Variants in DCTN2 observed in about 807,000 individuals in gnomAD.
DCTN2 encodes dynactin subunit 2.
DCTN2 carries 18 observed loss-of-function variants against 55.4 expected under a neutral mutation model. The observed-to-expected ratio is 0.32, with a 90% CI of 0.22 to 0.48. The LOEUF (loss-of-function observed/expected upper bound fraction) is 0.48. Among genes scored for constraint, DCTN2 ranks in the 20% least tolerant of loss-of-function variants. The pLI is 0.99. For missense variants in DCTN2, 390 were observed against 491.0 expected, an observed-to-expected ratio of 0.79 and a Z score of 1.94; for synonymous variants, 168 against 185.2, an observed-to-expected ratio of 0.91 and a Z score of 0.76.
Position 57,530,590 on chromosome 12 carries a change from G to A in DCTN2, c.*99C>T. The A allele has an allele frequency of 9.5e-7, 1 of 1,053,476 alleles. No individual in the cohort carries two copies. Among genetic ancestry groups the A allele is most frequent in the South Asian group, 1.5e-5 (1 of 67,836 alleles). The allele number at this position is 1,053,476 out of a possible 1,614,324, so 65.3% of individuals were successfully genotyped here. A position where few individuals can be genotyped will look rare whatever the true frequency, so the allele number is the denominator to read the frequency against. On this transcript the variant is annotated 3_prime_UTR_variant, in exon 14 of 14. Transcript: ENST00000548249. ...CCTTGCCCCCAGTGTCAAATGGGAT[G>A]GGGATGCTAGAGTTATAGTAAAGGG...
intron 11 of DCTN2, 89 bp from the exon 12 acceptor site, chr12:57,532,404 G>A: frequency 5.1e-6 from 7 of 1,367,450 alleles, no homozygotes; most frequent in Non-Finnish European, 7.2e-6. Context: ...TGGGGGAAAG[G>A]ATCAAGTGGG....
rs11386483 is a variant in DCTN2 at position 57,543,348 on chromosome 12, C to CAAA, written c.105+2677_105+2679dup. On this transcript the variant is annotated intron_variant, in intron 2 of 13. Transcript: ENST00000548249. ...TGGGCGACAGAGTGAGACTCCGTCTCAAAAAAAAAAGAAAAAAAAAGAAGG... is the reference window on the plus strand; with the variant it reads ...TGGGCGACAGAGTGAGACTCCGTCTCAAAAAAAAAAAAAGAAAAAAAAAGAAGG... Among the ~76,000 whole-genome samples, 31 of 103,864 alleles carry CAAA rather than the reference C, an allele frequency of 3.0e-4. 2 individuals are homozygous for CAAA. Among genetic ancestry groups the CAAA allele is most frequent in the South Asian group, 7.4e-4 (2 of 2,700 alleles). 68.1% of individuals were successfully genotyped at this position (103,864 alleles called of 152,430 possible).
intron 7 of DCTN2, 69 bp downstream of exon 7, chr12:57,533,884 G>A (rs1426854266): frequency 2.0e-6 from 3 of 1,493,894 alleles, no homozygotes; most frequent in Non-Finnish European, 2.7e-6. Context: ...TCTCCTTGGA[G>A]AGAGGCAGGA....
Position 57,530,333 on chromosome 12 carries a change from G to A in DCTN2, c.*356C>T. On this transcript the variant is annotated 3_prime_UTR_variant, in exon 14 of 14. Coordinates refer to ENST00000548249, the MANE Select transcript of DCTN2 (RefSeq NM_001261413.2). ...ACACAGAGTACAACAGCATTTAATGGTCAGAAACAGTTGTACAGTATTACA... is the reference window on the plus strand; with the variant it reads ...ACACAGAGTACAACAGCATTTAATGATCAGAAACAGTTGTACAGTATTACA... The A allele has an allele frequency of 4.9e-6, 1 of 203,172 alleles. No individual in the cohort carries two copies. Among genetic ancestry groups the A allele is most frequent in the Non-Finnish European group, 1.0e-5 (1 of 99,960 alleles). 12.6% of individuals were successfully genotyped at this position (203,172 alleles called of 1,614,324 possible). A position where few individuals can be genotyped will look rare whatever the true frequency, so the allele number is the denominator to read the frequency against.
At chr12:57,538,473 C>G (rs753417173) in intron 2 of DCTN2, 14 of 757,830 alleles carry the variant, frequency 1.8e-5, no homozygotes, top group Non-Finnish European at 3.4e-5. Flanking sequence ...AACTGCTCAT[C>G]ATAGCACACC....
intron 2 of DCTN2, chr12:57,540,017 A>T: frequency 3.4e-6 from 3 of 885,846 alleles, no homozygotes; most frequent in Non-Finnish European, 4.1e-6. Flanking sequence ...ATGCCACTGC[A>T]CTCCAGCCTG....
At position 57,532,644 on chromosome 12, in the gene DCTN2, C is replaced by T; in HGVS notation, c.853-1G>A. The T allele has an allele frequency of 6.2e-7, 1 of 1,613,980 alleles. No individual in the cohort carries two copies. Among genetic ancestry groups the T allele is most frequent in the Non-Finnish European group, 8.5e-7 (1 of 1,179,888 alleles). On this transcript the variant is annotated splice_acceptor_variant, in intron 10 of 13. Coordinates refer to ENST00000548249, the MANE Select transcript of DCTN2 (RefSeq NM_001261413.2). LOFTEE classifies it high-confidence loss of function. ...TCTCGTTCACCTTTCCCAGGACACTCTGAAAACACAGATTTTAAGGTTGAT... is the reference window on the plus strand; with the variant it reads ...TCTCGTTCACCTTTCCCAGGACACTTTGAAAACACAGATTTTAAGGTTGAT...
Position 57,530,688 on chromosome 12 carries a change from C to T in DCTN2, c.*1G>A. Reference sequence around the variant, plus strand: ...CCCTGTTCTCCAGCTCCCAAATGTGCTCACTTTCCCAGCTTCTTCATCCGT... The same window carrying T: ...CCCTGTTCTCCAGCTCCCAAATGTGTTCACTTTCCCAGCTTCTTCATCCGT... On this transcript the variant is annotated 3_prime_UTR_variant, in exon 14 of 14. Coordinates refer to ENST00000548249, the MANE Select transcript of DCTN2 (RefSeq NM_001261413.2). 2 of 1,613,440 alleles carry T rather than the reference C, an allele frequency of 1.2e-6. No individual in the cohort carries two copies. Among genetic ancestry groups the T allele is most frequent in the South Asian group, 2.2e-5 (2 of 91,058 alleles).
intron 11 of DCTN2, 61 bp downstream of exon 11, chr12:57,532,511 G>T: frequency 6.4e-7 from 1 of 1,559,936 alleles, no homozygotes; most frequent in South Asian, 1.1e-5. Flanking sequence ...CTCATGCTTT[G>T]ACACTGCCAC....
At chr12:57,536,063 T>C in intron 2 of DCTN2, 1 of 568,152 alleles carries the variant, frequency 1.8e-6, no homozygotes, top group South Asian at 2.2e-5. Flanking sequence ...AACACCCTCA[T>C]TCAACTGGGA....
Position 57,530,662 on chromosome 12 carries a change from C to G in DCTN2, c.*27G>C. The G allele has an allele frequency of 8.8e-6, 14 of 1,595,876 alleles. No individual in the cohort carries two copies. Among genetic ancestry groups the G allele is most frequent in the African/African-American group, 1.3e-5 (1 of 74,656 alleles). On this transcript the variant is annotated 3_prime_UTR_variant, in exon 14 of 14. Coordinates refer to ENST00000548249, the MANE Select transcript of DCTN2 (RefSeq NM_001261413.2). ...ACAGAGTTCACAGGGGTAGGGATAA[C>G]CCCTGTTCTCCAGCTCCCAAATGTG...
At chr12:57,539,089 G>A (rs1355070692) in intron 2 of DCTN2, among the ~76,000 whole-genome samples, 1 of 152,218 alleles carries the variant, frequency 6.6e-6, no homozygotes, top group Non-Finnish European at 1.5e-5. Context: ...GTCACAATGA[G>A]AGTGATCAGG....
At position 57,539,290 on chromosome 12, in the gene DCTN2, A is replaced by G. The variant is rs111995174; in HGVS notation, c.106-3445T>C. Among the ~76,000 whole-genome samples, 976 of 152,270 alleles carry G rather than the reference A, an allele frequency of 6.4e-3. 6 individuals carry two copies. The highest frequency in any genetic ancestry group is 7.7e-3 in the Non-Finnish European group (523 of 68,032). On this transcript the variant is annotated intron_variant, in intron 2 of 13. Coordinates refer to ENST00000548249, the MANE Select transcript of DCTN2 (RefSeq NM_001261413.2). ...CTCCACCTTGAGTGGCTGGTAACTCACCCTGCAGCTCCGAAGGATCTAGAG... is the reference window on the plus strand; with the variant it reads ...CTCCACCTTGAGTGGCTGGTAACTCGCCCTGCAGCTCCGAAGGATCTAGAG...
rs2140121870 is a variant in DCTN2, at chr12:57,534,634, C to A, written c.364-182G>T. 4 of 553,714 alleles carry A rather than the reference C, an allele frequency of 7.2e-6. No individual in the cohort carries two copies. In the East Asian group the frequency reaches 1.3e-4, roughly 18 times the overall value. The allele number at this position is 553,714 out of a possible 1,614,324, so 34.3% of individuals were successfully genotyped here. The stretch of plus-strand genomic sequence containing the variant: ...GATGCATATTTGTAAACTCTGGAAA[C>A]CTTAGCCCCTTTATCCAGGAGCTTA... On this transcript the variant is annotated intron_variant, in intron 5 of 13. Transcript: ENST00000548249.
At chr12:57,531,820 G>C (rs1296598373) in intron 13 of DCTN2, among the ~76,000 whole-genome samples, 195 bp downstream of exon 13, 3 of 152,198 alleles carry the variant, frequency 2.0e-5, no homozygotes, top group Non-Finnish European at 4.4e-5. Flanking sequence ...TAATTTCCCA[G>C]ATGGAAAGAT....
Position 57,535,531 on chromosome 12 carries a change from T to C in DCTN2, c.217A>G (p.Ile73Val). The C allele has an allele frequency of 6.2e-7, 1 of 1,613,978 alleles. No individual in the cohort carries two copies. The highest frequency in any genetic ancestry group is 1.1e-5 in the South Asian group (1 of 91,084). Residue 73 changes from isoleucine (I) to valine (V), a missense_variant, in exon 4 of 14, where the codon ATT becomes GTT. Transcript: ENST00000548249. ...TATCCTGTCCTCTTGGTTTTTCCAATACGATCTGAGAAATCTGCCAAGAAA... is the reference window on the plus strand; with the variant it reads ...TATCCTGTCCTCTTGGTTTTTCCAACACGATCTGAGAAATCTGCCAAGAAA... The part of the protein sequence containing the change: ...GTKGLDFSDR[I>V]GKTKRTGYES...
intron 13 of DCTN2, 48 bp from the exon 14 acceptor site, chr12:57,530,823 A>C (rs1037206327): frequency 7.5e-6 from 11 of 1,472,046 alleles, no homozygotes; most frequent in Non-Finnish European, 1.0e-5. Context: ...CCAGTTGCTT[A>C]ACTGGATGAG....
intron 2 of DCTN2, among the ~76,000 whole-genome samples, chr12:57,542,150 C>A (rs1880745532): frequency 6.6e-6 from 1 of 151,948 alleles, no homozygotes; most frequent in African/African-American, 2.4e-5. Flanking sequence ...GTGATGGACA[C>A]CTGTAATTCC....
In DCTN2 at chr12:57,533,251, T is replaced by A; in HGVS notation, c.722A>T (p.Asp241Val). ...LTELETAVRC[D>V]QDAQNPLSAG... The stretch of plus-strand genomic sequence containing the variant: ...AGAACACCTGACCTGAGCATCCTGA[T>A]CACAACGTACAGCTGTCTCCAGCTC... The change falls in exon 8 of 14, where the codon GAT (aspartate) becomes GTT (valine). Residue 241 changes from aspartate to valine, a missense_variant. Physicochemically the swap from Asp to Val is radical, Grantham distance 152. Coordinates refer to ENST00000548249, the MANE Select transcript of DCTN2 (RefSeq NM_001261413.2). 6.2e-7 allele frequency: 1 copy of A among 1,613,992 alleles called. No homozygotes were observed. The highest frequency in any genetic ancestry group is 8.5e-7 in the Non-Finnish European group (1 of 1,179,888).
Sources: gnomAD v4.1 joint callset for allele counts (sites outside exome capture counted in the v4.1 genomes callset) on GRCh38, gnomAD v4.1.1 for gene constraint, MANE v1.5 for transcripts, NCBI Gene and HGNC (gene_info 2026-07-23, HGNC 2026-07-21) for gene names.